Variants in MYT1L observed in about 807,000 individuals in gnomAD.
The protein encoded by MYT1L is myelin transcription factor 1 like.
A neutral mutation model predicts 126.7 loss-of-function variants in MYT1L; 12 were observed. The ratio of observed to expected loss-of-function variants is 0.09; its 90% CI spans 0.06 to 0.15. MYT1L has a LOEUF of 0.15. Among genes scored for constraint, MYT1L ranks in the 10% least tolerant of loss-of-function variants. The pLI, the probability that MYT1L is intolerant of heterozygous loss-of-function variation, is 1.00. For missense variants in MYT1L, 979 were observed against 1,585.2 expected, an observed-to-expected ratio of 0.62 and a Z score of 6.49; for synonymous variants, 541 against 604.2, an observed-to-expected ratio of 0.90 and a Z score of 1.53.
chr2:1,866,415 A>G (rs1361792806), intron 18 of MYT1L, among the ~76,000 whole-genome samples: 2 of 150,044 alleles, frequency 1.3e-5, no homozygotes, highest in East Asian at 4.0e-4. Flanking sequence ...GGGAGGAGAG[A>G]GAAGGAGGCA....
At chr2:2,236,757 TTTCTTCTTCTTC>T (rs760901038) in intron 2 of MYT1L, among the ~76,000 whole-genome samples, 12,228 of 132,022 alleles carry the variant, frequency 0.093, 919 homozygotes, top group Non-Finnish European at 0.13. Context: ...TTGGTTGTCC[TTTCTTCTTCTTC>T]TTCTTCTTCT....
At position 1,922,588 on chromosome 2, in the gene MYT1L, C is replaced by G. The variant is rs777366463; in HGVS notation, c.1181G>C (p.Arg394Thr). 1.9e-6 allele frequency: 3 copies of G among 1,614,042 alleles called. No individual in the cohort carries two copies. Among genetic ancestry groups the G allele is most frequent in the Admixed American group, 1.7e-5 (1 of 60,030 alleles). Residue 394 changes from arginine to threonine, a missense_variant, in exon 10 of 25, where the codon AGA (arginine) becomes ACA (threonine). Physicochemically the swap from Arg to Thr is moderately conservative, Grantham distance 71. Around this residue, in one of 12 missense-constraint regions of MYT1L, gnomAD observed 243 missense variants for 363.9 expected, o/e 0.67. Transcript: ENST00000647738. The surrounding 1 kb of genome is among the most constrained non-coding windows in gnomAD (Gnocchi z 7.4). Reference sequence around the variant, plus strand: ...CTCCTTCGCACAGCTGGCAAACACTCTCGACCGGGGGCTCAACTGCTCCTC... The same window carrying G: ...CTCCTTCGCACAGCTGGCAAACACTGTCGACCGGGGGCTCAACTGCTCCTC... ...RLEEQLSPRS[R>T]VFASCAKEDG...
intron 8 of MYT1L, among the ~76,000 whole-genome samples, chr2:1,949,904 T>C (rs1411843557): frequency 6.6e-6 from 1 of 152,214 alleles, no homozygotes; most frequent in African/African-American, 2.4e-5. Flanking sequence ...TAGCCTCCAT[T>C]GGGTCAATGT....
At chr2:1,822,086 G>T (rs1366011365) in intron 21 of MYT1L, among the ~76,000 whole-genome samples, 1 of 152,080 alleles carries the variant, frequency 6.6e-6, no homozygotes, top group Non-Finnish European at 1.5e-5. Flanking sequence ...CTCTTTTTCT[G>T]GGTTCTTTCT....
chr2:1,916,004 C>G (rs957458663), intron 11 of MYT1L, among the ~76,000 whole-genome samples: 1 of 152,160 alleles, frequency 6.6e-6, no homozygotes, highest in South Asian at 2.1e-4. Context: ...AAGCTGTTGT[C>G]AAACCATGCT....
chr2:2,065,458 T>C (rs1487803062), intron 3 of MYT1L, among the ~76,000 whole-genome samples: 1 of 152,126 alleles, frequency 6.6e-6, no homozygotes, highest in South Asian at 2.1e-4. Flanking sequence ...CCCAAAGCAA[T>C]TGCACTTTGA....
At chr2:1,834,922 GA>G in intron 21 of MYT1L, among the ~76,000 whole-genome samples, 1 of 120,876 alleles carries the variant, frequency 8.3e-6, no homozygotes, top group African/African-American at 4.3e-5. Flanking sequence ...ATACCACGGG[GA>G]TGGATACAGG....
intron 3 of MYT1L, among the ~76,000 whole-genome samples, chr2:2,079,327 T>C (rs1161331425): frequency 6.6e-6 from 1 of 152,190 alleles, no homozygotes; most frequent in Non-Finnish European, 1.5e-5. Flanking sequence ...CTATATTATA[T>C]TGTTTTAAGA....
chr2:2,078,608 T>C (rs1015376333), intron 3 of MYT1L, among the ~76,000 whole-genome samples: 2 of 152,174 alleles, frequency 1.3e-5, no homozygotes, highest in Non-Finnish European at 2.9e-5. Context: ...TATTTTATGA[T>C]GAGAAGAGGT....
chr2:2,230,945 C>T (rs549832258), intron 2 of MYT1L, among the ~76,000 whole-genome samples: 25 of 152,266 alleles, frequency 1.6e-4, no homozygotes, highest in African/African-American at 5.5e-4. Context: ...TACTGTGAGA[C>T]GGCTGTTCAG....
chr2:2,214,753 G>A (rs905751264), intron 2 of MYT1L, among the ~76,000 whole-genome samples: 1 of 152,160 alleles, frequency 6.6e-6, no homozygotes, highest in Non-Finnish European at 1.5e-5. Flanking sequence ...ACATAGGACC[G>A]AATTGGGATA....
intron 3 of MYT1L, among the ~76,000 whole-genome samples, chr2:2,138,091 G>A (rs2083327244): frequency 6.6e-6 from 1 of 152,212 alleles, no homozygotes; most frequent in African/African-American, 2.4e-5. Context: ...ATGAAAAAAT[G>A]CTCACCATCA....
intron 1 of MYT1L, among the ~76,000 whole-genome samples, chr2:2,291,993 G>T (rs1337460982): frequency 6.6e-6 from 1 of 152,256 alleles, no homozygotes; most frequent in African/African-American, 2.4e-5. Context: ...CTGTGCCCGG[G>T]CTGAGAGGAG....
chr2:2,242,845 C>A (rs1305171786), intron 2 of MYT1L, among the ~76,000 whole-genome samples: 1 of 152,210 alleles, frequency 6.6e-6, no homozygotes, highest in Non-Finnish European at 1.5e-5. Flanking sequence ...CATTCCTCTG[C>A]ACAAGATGTG....
intron 21 of MYT1L, among the ~76,000 whole-genome samples, chr2:1,819,379 G>A (rs779659494): frequency 1.3e-5 from 2 of 152,198 alleles, no homozygotes; most frequent in Non-Finnish European, 2.9e-5. Context: ...CTTATCACAT[G>A]CTGGCATGCT....
chr2:2,005,275 T>C lies in MYT1L; in HGVS notation c.-157-7928A>G, dbSNP rs200785438. 9.8e-3 allele frequency among the ~76,000 whole-genome samples: 104 copies of C among 10,596 alleles called. 1 individual carries two copies. Among genetic ancestry groups the C allele is most frequent in the Middle Eastern group, 0.1 (2 of 20 alleles). 7.0% of individuals were successfully genotyped at this position (10,596 alleles called of 152,430 possible). On this transcript the variant is annotated intron_variant, in intron 4 of 24. Transcript: ENST00000647738. Reference sequence around the variant, plus strand: ...TCTTTCCTGCATACGTTCTTTCCTGTGTGCCTTCTTTCCTGCAGGCGTTCT... The same window carrying C: ...TCTTTCCTGCATACGTTCTTTCCTGCGTGCCTTCTTTCCTGCAGGCGTTCT...
intron 2 of MYT1L, among the ~76,000 whole-genome samples, chr2:2,192,424 T>C (rs975418491): frequency 6.6e-6 from 1 of 152,124 alleles, no homozygotes; most frequent in Admixed American, 6.5e-5. Flanking sequence ...TTCATTTTTT[T>C]TTTTTTTTCA....
At chr2:2,210,445 A>T (rs2093466148) in intron 2 of MYT1L, among the ~76,000 whole-genome samples, 1 of 152,078 alleles carries the variant, frequency 6.6e-6, no homozygotes, top group South Asian at 2.1e-4. Flanking sequence ...ATAAGGGTCA[A>T]GTTTGTCCAG....
chr2:2,138,835 AAAGTAT>A (rs1328655217), intron 3 of MYT1L, among the ~76,000 whole-genome samples: 2 of 150,520 alleles, frequency 1.3e-5, no homozygotes, highest in African/African-American at 2.4e-5. Flanking sequence ...CCTAAAACTT[AAAGTAT>A]AATTAAAAAA....
Sources: gnomAD v4.1 joint callset for allele counts (sites outside exome capture counted in the v4.1 genomes callset) on GRCh38, gnomAD v4.1.1 for gene constraint, gnomAD v4.1.1 regional missense constraint, Gnocchi (gnomAD v3.1) non-coding constraint, MANE v1.5 for transcripts, NCBI Gene and HGNC (gene_info 2026-07-23, HGNC 2026-07-21) for gene names.